The following STX8 variants were observed in gnomAD, a reference collection of about 807,000 sequenced individuals.
STX8 encodes syntaxin-8.
In STX8, 23 loss-of-function variants were observed where a neutral mutation model predicts 37.5. That is an observed-to-expected ratio of 0.61 (90% CI 0.44 to 0.87). STX8 has a LOEUF of 0.87. STX8 is among the 40% of genes least tolerant of loss of function. The probability of loss-of-function intolerance (pLI) is 0.00; values close to 1 mark genes in which losing one functional copy is unlikely to be tolerated. For synonymous variants in STX8, 115 were observed against 99.1 expected (o/e 1.16, Z -0.95); for missense variants, 313 against 284.7 (o/e 1.10, Z -0.71).
intron 6 of STX8, among the ~76,000 whole-genome samples, chr17:9,490,138 G>A (rs1906791079): frequency 6.6e-6 from 1 of 152,164 alleles, no homozygotes; most frequent in Admixed American, 6.6e-5. Flanking sequence ...TATTAGAATT[G>A]TAAAGAGAGA....
At chr17:9,541,512 C>G (rs1161595044) in intron 4 of STX8, among the ~76,000 whole-genome samples, 5 of 152,186 alleles carry the variant, frequency 3.3e-5, no homozygotes, top group Non-Finnish European at 5.9e-5. Context: ...AAGCCTGTCT[C>G]ATAGCAATCA....
At chr17:9,301,544 G>A (rs1294117667) in intron 7 of STX8, among the ~76,000 whole-genome samples, 3 of 151,632 alleles carry the variant, frequency 2.0e-5, no homozygotes, top group Admixed American at 1.3e-4. Context: ...GTGCAGTGGC[G>A]CGATCTCGGC....
At chr17:9,418,094 C>A (rs1483680142) in intron 6 of STX8, among the ~76,000 whole-genome samples, 1 of 152,092 alleles carries the variant, frequency 6.6e-6, no homozygotes, top group Non-Finnish European at 1.5e-5. Context: ...AAACTGGAGA[C>A]CCAGTGCTTG....
chr17:9,447,301 C>T lies in STX8; in HGVS notation c.541+44528G>A, dbSNP rs568829854. 4.8e-4 allele frequency among the ~76,000 whole-genome samples: 73 copies of T among 152,292 alleles called. 1 individual carries two copies. The Middle Eastern group carries it at 0.017, about 35-fold the overall frequency. On this transcript the variant is annotated intron_variant, in intron 6 of 7. Transcript: ENST00000306357. ...CTTCAGAGTTCAACATTTTAAATTA[C>T]AAGAATGAAGTGTGTGCACAATACG...
intron 6 of STX8, among the ~76,000 whole-genome samples, chr17:9,429,357 T>C (rs1207421579): frequency 6.9e-6 from 1 of 145,614 alleles, no homozygotes; most frequent in Non-Finnish European, 1.5e-5. Context: ...ATATATAATA[T>C]ATAATAAATA....
At chr17:9,401,849 T>G (rs1351078735) in intron 6 of STX8, among the ~76,000 whole-genome samples, 1 of 152,212 alleles carries the variant, frequency 6.6e-6, no homozygotes, top group Non-Finnish European at 1.5e-5. Context: ...GAAGAGGTTT[T>G]CTCTACTTTA....
At chr17:9,564,108 T>C (rs965490219) in intron 2 of STX8, among the ~76,000 whole-genome samples, 3 of 152,120 alleles carry the variant, frequency 2.0e-5, no homozygotes, top group Non-Finnish European at 4.4e-5. Flanking sequence ...ATAAGAGCCA[T>C]CTATGACAAA....
At chr17:9,367,603 C>A (rs1446904380) in intron 7 of STX8, among the ~76,000 whole-genome samples, 1 of 152,190 alleles carries the variant, frequency 6.6e-6, no homozygotes, top group Non-Finnish European at 1.5e-5. Context: ...ATGATTTACA[C>A]AGCAAAATGT....
intron 7 of STX8, among the ~76,000 whole-genome samples, chr17:9,373,268 T>C (rs1246191190): frequency 6.6e-6 from 1 of 152,216 alleles, no homozygotes; most frequent in East Asian, 1.9e-4. Flanking sequence ...ACTCCACTTC[T>C]GTATATATAC....
chr17:9,257,000 A>G (rs1242013967), intron 7 of STX8, among the ~76,000 whole-genome samples: 1 of 152,152 alleles, frequency 6.6e-6, no homozygotes, highest in African/African-American at 2.4e-5. Flanking sequence ...CTAGCACAGA[A>G]CACCTGCTGC....
chr17:9,495,007 T>C (rs537688246), intron 5 of STX8, among the ~76,000 whole-genome samples: 1 of 152,316 alleles, frequency 6.6e-6, no homozygotes, highest in African/African-American at 2.4e-5. Flanking sequence ...AAGGCTTATC[T>C]ACAAAAGCAA....
chr17:9,292,877 C>G (rs1370541547), intron 7 of STX8, among the ~76,000 whole-genome samples: 2 of 152,214 alleles, frequency 1.3e-5, no homozygotes, highest in Non-Finnish European at 2.9e-5. Context: ...CTATTCAGCT[C>G]TCATGCCCCC....
At chr17:9,252,170 C>T (rs1313722087) in intron 7 of STX8, among the ~76,000 whole-genome samples, 16 of 148,128 alleles carry the variant, frequency 1.1e-4, no homozygotes, top group East Asian at 2.0e-4. Flanking sequence ...ATTGGCCGGG[C>T]GCAGTGGCTC....
chr17:9,456,263 G>A (rs935770237), intron 6 of STX8, among the ~76,000 whole-genome samples: 1 of 152,262 alleles, frequency 6.6e-6, no homozygotes, highest in African/African-American at 2.4e-5. Context: ...AAGTGTATTT[G>A]GGGGGTGGCA....
At chr17:9,489,383 T>C (rs6503211) in intron 6 of STX8, among the ~76,000 whole-genome samples, 94,254 of 152,106 alleles carry the variant, frequency 0.62, 31,842 homozygotes, top group Middle Eastern at 0.8. Context: ...CAAAGTATGA[T>C]AACCACTAAA....
At chr17:9,271,911 T>G (rs535416051) in intron 7 of STX8, among the ~76,000 whole-genome samples, 4 of 152,292 alleles carry the variant, frequency 2.6e-5, no homozygotes, top group African/African-American at 9.6e-5. Flanking sequence ...ACCGTGGCTT[T>G]CTCTGGCGAC....
rs148781330 is a variant in STX8 at position 9,492,607 on chromosome 17, C to T, written c.449-686G>A. Among the ~76,000 whole-genome samples the T allele has an allele frequency of 3.9e-3, 594 of 152,294 alleles. 4 individuals carry two copies. Among genetic ancestry groups the T allele is most frequent in the Non-Finnish European group, 4.6e-3 (311 of 68,032 alleles). ...AACATTTGTTTCTTGTGCCAGATATCAACTTAGTGCCTCTCAGCAACAAAT... is the reference window on the plus strand; with the variant it reads ...AACATTTGTTTCTTGTGCCAGATATTAACTTAGTGCCTCTCAGCAACAAAT... On this transcript the variant is annotated intron_variant, in intron 5 of 7. Coordinates refer to ENST00000306357, the MANE Select transcript of STX8 (RefSeq NM_004853.3).
At chr17:9,306,712 C>T (rs1163103253) in intron 7 of STX8, among the ~76,000 whole-genome samples, 1 of 150,888 alleles carries the variant, frequency 6.6e-6, no homozygotes, top group Non-Finnish European at 1.5e-5. Flanking sequence ...TTGCAGTGAG[C>T]CCAGATAGCA....
chr17:9,264,652 CA>C (rs1907167123), intron 7 of STX8, among the ~76,000 whole-genome samples: 1 of 152,128 alleles, frequency 6.6e-6, no homozygotes, highest in Non-Finnish European at 1.5e-5. Context: ...TAGGTTCTGC[CA>C]AACTGCAAAC....
Sources: allele counts gnomAD v4.1 joint callset (sites outside exome capture counted in the v4.1 genomes callset), GRCh38; gene constraint gnomAD v4.1.1; transcripts MANE v1.5; gene names NCBI Gene and HGNC (gene_info 2026-07-23, HGNC 2026-07-21).